The following TOM1L1 variants were observed in gnomAD, a reference collection of about 807,000 sequenced individuals.
The protein encoded by TOM1L1 is target of myb1 like 1 membrane trafficking protein.
A neutral mutation model predicts 63.4 loss-of-function variants in TOM1L1; 64 were observed. The ratio of observed to expected loss-of-function variants is 1.01; its 90% CI spans 0.83 to 1.24. The LOEUF (loss-of-function observed/expected upper bound fraction) is 1.24, where lower values mean the gene tolerates loss of function less well. Ranked by LOEUF, TOM1L1 falls within the 50% of genes most tolerant of loss-of-function variation. The pLI is 0.00. For synonymous variants in TOM1L1, 166 were observed against 194.4 expected, an observed-to-expected ratio of 0.85 and a Z score of 1.22; for missense variants, 536 against 567.0, an observed-to-expected ratio of 0.95 and a Z score of 0.55.
chr17:54,957,991 A>G (rs539795960), intron 14 of TOM1L1: 6 of 152,332 alleles, frequency 3.9e-5, no homozygotes, highest in Non-Finnish European at 7.3e-5. Context: ...TTAAATGAGG[A>G]TTAGAGAAAG....
Position 54,961,637 on chromosome 17 carries a change from T to C in TOM1L1, c.*404T>C, listed in dbSNP as rs2077127405. 9.0e-7 allele frequency: 1 copy of C among 1,106,760 alleles called. No homozygotes were observed. Among genetic ancestry groups the C allele is most frequent in the Non-Finnish European group, 1.1e-6 (1 of 907,036 alleles). The allele number at this position is 1,106,760 out of a possible 1,614,324, so 68.6% of individuals were successfully genotyped here. ...AAAGCATAAAATGTGAGAAACTGAA[T>C]GTATTATTCAGGAAGAATACTGAGT... On this transcript the variant is annotated 3_prime_UTR_variant, in exon 16 of 16. Coordinates refer to ENST00000575882, the MANE Select transcript of TOM1L1 (RefSeq NM_005486.3).
chr17:54,943,993 T>C (rs2049075993), intron 11 of TOM1L1, among the ~76,000 whole-genome samples: 1 of 137,884 alleles, frequency 7.3e-6, no homozygotes. Context: ...AATAAATAAA[T>C]AAATACATAA....
chr17:54,923,117 C>T (rs965529566), intron 7 of TOM1L1, among the ~76,000 whole-genome samples: 1 of 152,158 alleles, frequency 6.6e-6, no homozygotes, highest in Non-Finnish European at 1.5e-5. Flanking sequence ...GTATATCCCA[C>T]GTTTTATATA....
intron 11 of TOM1L1, among the ~76,000 whole-genome samples, chr17:54,941,837 G>A (rs769639359): frequency 1.3e-5 from 2 of 152,112 alleles, no homozygotes; most frequent in Non-Finnish European, 2.9e-5. Flanking sequence ...ATAATGCAGT[G>A]GTTTTCCTAT....
In TOM1L1 at chr17:54,914,864, A is replaced by G. The variant is rs2048561756; in HGVS notation, c.603+121A>G. 3 of 795,484 alleles carry G rather than the reference A, an allele frequency of 3.8e-6. No individual in the cohort carries two copies. The Admixed American group carries it at 5.5e-5, about 14-fold the overall frequency. 49.3% of individuals were successfully genotyped at this position (795,484 alleles called of 1,614,324 possible). On this transcript the variant is annotated intron_variant, in intron 6 of 15. Coordinates refer to ENST00000575882, the MANE Select transcript of TOM1L1 (RefSeq NM_005486.3). ...GTAGGTACACTCATTTCACAGAGGA[A>G]GAGACTGAGGCTTAGTAATACTATG...
At chr17:54,919,076 TGAA>T (rs1469368236) in intron 7 of TOM1L1, among the ~76,000 whole-genome samples, 1 of 152,200 alleles carries the variant, frequency 6.6e-6, no homozygotes, top group Non-Finnish European at 1.5e-5. Flanking sequence ...ATGTATAAAA[TGAA>T]GAGCTTAGAT....
intron 1 of TOM1L1, 105 bp from the exon 2 acceptor site, chr17:54,903,596 TGGCAATG>T: frequency 1.1e-6 from 1 of 936,980 alleles, no homozygotes. Context: ...CTTTGCCCTT[TGGCAATG>T]TAAACTTAAT....
chr17:54,934,440 T>A (rs1207237684), intron 8 of TOM1L1, among the ~76,000 whole-genome samples: 1 of 152,218 alleles, frequency 6.6e-6, no homozygotes. Flanking sequence ...ATTCACTGGT[T>A]GTGTTTACTA....
chr17:54,920,316 A>C (rs777155447), intron 7 of TOM1L1, among the ~76,000 whole-genome samples: 10 of 152,226 alleles, frequency 6.6e-5, no homozygotes, highest in African/African-American at 1.2e-4. Flanking sequence ...GAAATCAGCT[A>C]TATGAATTGT....
At chr17:54,949,830 T>A (rs2058027422) in intron 13 of TOM1L1, among the ~76,000 whole-genome samples, 1 of 152,236 alleles carries the variant, frequency 6.6e-6, no homozygotes, top group African/African-American at 2.4e-5. Flanking sequence ...GTATTGTGTT[T>A]TGAATGCTAA....
At chr17:54,943,543 T>G (rs1284998897) in intron 11 of TOM1L1, among the ~76,000 whole-genome samples, 1 of 151,756 alleles carries the variant, frequency 6.6e-6, no homozygotes, top group Non-Finnish European at 1.5e-5. Flanking sequence ...GTTATTTTGC[T>G]AATTTTGTTA....
At chr17:54,950,181 C>A in intron 14 of TOM1L1, 55 bp downstream of exon 14, 1 of 1,349,458 alleles carries the variant, frequency 7.4e-7, no homozygotes, top group Non-Finnish European at 1.1e-6. Flanking sequence ...CCTTTGATAG[C>A]AGAGCTAACA....
chr17:54,959,351 G>A (rs925373291), intron 14 of TOM1L1: 1 of 152,152 alleles, frequency 6.6e-6, no homozygotes, highest in African/African-American at 2.4e-5. Flanking sequence ...GGTGGCTTAT[G>A]CCTCTAATCC....
At chr17:54,906,511 T>A (rs2048413261) in intron 3 of TOM1L1, among the ~76,000 whole-genome samples, 1 of 151,796 alleles carries the variant, frequency 6.6e-6, no homozygotes, top group Non-Finnish European at 1.5e-5. Flanking sequence ...CATGTATTAA[T>A]TAACCATAAT....
chr17:54,941,236 A>T (rs540226473), intron 11 of TOM1L1, among the ~76,000 whole-genome samples: 35 of 152,332 alleles, frequency 2.3e-4, no homozygotes, highest in African/African-American at 7.9e-4. Flanking sequence ...TAGATTTTTT[A>T]AAAAGTTTCC....
chr17:54,954,495 G>A (rs2049393978), intron 14 of TOM1L1: 2 of 152,298 alleles, frequency 1.3e-5, no homozygotes, highest in South Asian at 4.1e-4. Context: ...TATTGCCATA[G>A]CAGGAGCCAC....
intron 7 of TOM1L1, among the ~76,000 whole-genome samples, chr17:54,918,059 G>C (rs991151226): frequency 2.6e-5 from 4 of 152,172 alleles, no homozygotes; most frequent in Admixed American, 1.3e-4. Flanking sequence ...CAATCTGTTA[G>C]AGCCCCTTGT....
chr17:54,951,237 T>G (rs893507338), intron 14 of TOM1L1, among the ~76,000 whole-genome samples: 1 of 152,232 alleles, frequency 6.6e-6, no homozygotes, highest in African/African-American at 2.4e-5. Flanking sequence ...AGGATGCAGA[T>G]GAAGAGATGC....
At chr17:54,954,749 A>G (rs1308142499) in intron 14 of TOM1L1, 1 of 152,232 alleles carries the variant, frequency 6.6e-6, no homozygotes, top group African/African-American at 2.4e-5. Context: ...AGAGGCTTCT[A>G]GAATTGGCAA....
Sources: gnomAD v4.1 joint callset for allele counts (sites outside exome capture counted in the v4.1 genomes callset) on GRCh38, gnomAD v4.1.1 for gene constraint, MANE v1.5 for transcripts, NCBI Gene and HGNC (gene_info 2026-07-23, HGNC 2026-07-21) for gene names.